The following NCMAP variants were observed in gnomAD, a reference collection of about 807,000 sequenced individuals.
NCMAP encodes non-compact myelin associated protein.
A neutral mutation model predicts 7.8 loss-of-function variants in NCMAP; 8 were observed. The observed-to-expected ratio is 1.02, with a 90% confidence interval of 0.60 to 1.84. The LOEUF is 1.84. Ranked by LOEUF, NCMAP falls within the 40% of genes most tolerant of loss-of-function variation. NCMAP has a pLI of 0.00. For missense variants in NCMAP, 112 were observed against 131.4 expected (o/e 0.85, Z 0.72); for synonymous variants, 41 against 52.9 (o/e 0.78, Z 0.98).
At chr1:24,597,491 G>A (rs1290204576) in intron 2 of NCMAP, among the ~76,000 whole-genome samples, 2 of 113,802 alleles carry the variant, frequency 1.8e-5, no homozygotes, top group Non-Finnish European at 3.4e-5. Context: ...GTGTCAGAGA[G>A]AGACTGTCAA....
At chr1:24,574,565 C>A (rs1268883354) in intron 1 of NCMAP, among the ~76,000 whole-genome samples, 1 of 152,108 alleles carries the variant, frequency 6.6e-6, no homozygotes, top group South Asian at 2.1e-4. Context: ...TAAGCCCATT[C>A]CCTTAGTAAG....
At chr1:24,598,826 C>T (rs545693844) in intron 2 of NCMAP, among the ~76,000 whole-genome samples, 2 of 151,116 alleles carry the variant, frequency 1.3e-5, no homozygotes, top group East Asian at 4.0e-4. Flanking sequence ...TTAGTAGAGA[C>T]GGGGTTTCAC....
rs1652713996 is a variant in NCMAP, at chr1:24,606,018, A to C, written c.*271A>C. ...GGTAGAGCTATGTTGGGAATCCACC[A>C]ATGTGGGCTTGGCTTTCCCCCACAC... On this transcript the variant is annotated 3_prime_UTR_variant, in exon 4 of 4. Transcript: ENST00000374392. The C allele has an allele frequency of 2.4e-6, 1 of 424,266 alleles. No individual in the cohort carries two copies. The highest frequency in any genetic ancestry group is 4.1e-5 in the East Asian group (1 of 24,582). 26.3% of individuals were successfully genotyped at this position (424,266 alleles called of 1,614,324 possible). A position where few individuals can be genotyped will look rare whatever the true frequency, so the allele number is the denominator to read the frequency against.
intron 1 of NCMAP, among the ~76,000 whole-genome samples, chr1:24,587,910 GATGCCAAT>G (rs1445593749): frequency 6.6e-6 from 1 of 152,112 alleles, no homozygotes; most frequent in Non-Finnish European, 1.5e-5. Flanking sequence ...AAAATTACAA[GATGCCAAT>G]ATGAAGGTCA....
intron 1 of NCMAP, among the ~76,000 whole-genome samples, chr1:24,559,899 C>T (rs933986908): frequency 5.9e-5 from 9 of 152,190 alleles, no homozygotes; most frequent in African/African-American, 1.2e-4. Context: ...CGGTGGCTCA[C>T]GCCTGTAATC....
chr1:24,567,225 G>T (rs1174400869), intron 1 of NCMAP, among the ~76,000 whole-genome samples: 1 of 152,166 alleles, frequency 6.6e-6, no homozygotes, highest in Admixed American at 6.5e-5. Flanking sequence ...CTTGTGCTGG[G>T]TGCTGGCAGG....
rs534259452 is a variant in NCMAP, at chr1:24,606,167, A to G, written c.*420A>G. On this transcript the variant is annotated 3_prime_UTR_variant, in exon 4 of 4. Transcript: ENST00000374392. ...AAGCGCCGTATCCACTGCTTCACAG[A>G]GCAAAACATTCAATCCCATAACCAG... The G allele has an allele frequency of 6.2e-6, 1 of 160,060 alleles. No individual in the cohort carries two copies. The highest frequency in any genetic ancestry group is 1.9e-4 in the South Asian group (1 of 5,130). The allele number at this position is 160,060 out of a possible 1,614,324, so 9.9% of individuals were successfully genotyped here.
intron 3 of NCMAP, among the ~76,000 whole-genome samples, chr1:24,602,487 G>A (rs1652538366): frequency 7.8e-6 from 1 of 128,800 alleles, no homozygotes; most frequent in Non-Finnish European, 1.5e-5. Flanking sequence ...GGAGAATGGC[G>A]TGAACCCGGA....
chr1:24,597,203 G>A (rs1652258650), intron 2 of NCMAP, among the ~76,000 whole-genome samples: 2 of 151,972 alleles, frequency 1.3e-5, no homozygotes. Context: ...TGTTTTTCTT[G>A]AACTGAAAGT....
chr1:24,583,953 T>G (rs561059667), intron 1 of NCMAP, among the ~76,000 whole-genome samples: 7 of 152,260 alleles, frequency 4.6e-5, no homozygotes, highest in African/African-American at 1.4e-4. Context: ...ACAGTGGAGA[T>G]GAAAAGACCT....
chr1:24,573,600 GAAACAAAAACAA>G (rs149566222), intron 1 of NCMAP, among the ~76,000 whole-genome samples: 18 of 148,196 alleles, frequency 1.2e-4, no homozygotes, highest in East Asian at 3.9e-4. Flanking sequence ...CTACAAAAAA[GAAACAAAAACAA>G]AAACAAAAAC....
intron 2 of NCMAP, among the ~76,000 whole-genome samples, chr1:24,599,819 G>GCCCCC (rs59282200): frequency 2.1e-5 from 1 of 47,772 alleles, no homozygotes; most frequent in African/African-American, 8.3e-5. Flanking sequence ...CTCGTGATCC[G>GCCCCC]CCCCCCCCCC....
chr1:24,584,890 CA>C (rs1469904263), intron 1 of NCMAP, among the ~76,000 whole-genome samples: 3 of 141,738 alleles, frequency 2.1e-5, no homozygotes, highest in Non-Finnish European at 3.0e-5. Flanking sequence ...GTCCTATGCA[CA>C]GGGTGGGCAT....
chr1:24,566,151 G>T (rs938138097), intron 1 of NCMAP, among the ~76,000 whole-genome samples: 3 of 152,132 alleles, frequency 2.0e-5, no homozygotes, highest in African/African-American at 7.2e-5. Context: ...CCAGTCTTGG[G>T]CAGTTCTTTA....
chr1:24,559,619 T>C (rs1353628448), intron 1 of NCMAP, among the ~76,000 whole-genome samples: 1 of 152,182 alleles, frequency 6.6e-6, no homozygotes, highest in Non-Finnish European at 1.5e-5. Flanking sequence ...GCCTGTTCTC[T>C]AGCTGGGCTC....
intron 1 of NCMAP, among the ~76,000 whole-genome samples, chr1:24,582,006 G>T (rs1651760816): frequency 6.6e-6 from 1 of 152,148 alleles, no homozygotes; most frequent in Non-Finnish European, 1.5e-5. Context: ...AAATCAGCTT[G>T]CTCAGCAGGG....
intron 1 of NCMAP, 139 bp from the exon 2 acceptor site, chr1:24,595,285 T>A: frequency 1.7e-6 from 1 of 599,142 alleles, no homozygotes; most frequent in Non-Finnish European, 2.9e-6. Context: ...AATAATGGGT[T>A]TTGCATTTAC....
intron 1 of NCMAP, among the ~76,000 whole-genome samples, chr1:24,581,581 C>A (rs183382333): frequency 6.6e-6 from 1 of 152,216 alleles, no homozygotes; most frequent in Non-Finnish European, 1.5e-5. Flanking sequence ...CTGAGAGTCG[C>A]TGGGAGAAGT....
At chr1:24,577,404 T>TTTTTTTG (rs1436477048) in intron 1 of NCMAP, among the ~76,000 whole-genome samples, 1,027 of 93,020 alleles carry the variant, frequency 0.011, 25 homozygotes, top group African/African-American at 0.023. Flanking sequence ...TGGCCTTGTT[T>TTTTTTTG]TTTTTTTTTT....
Sources: allele counts gnomAD v4.1 joint callset (sites outside exome capture counted in the v4.1 genomes callset), GRCh38; gene constraint gnomAD v4.1.1; transcripts MANE v1.5; gene names NCBI Gene and HGNC (gene_info 2026-07-23, HGNC 2026-07-21).